Variants in NAA40 observed in about 807,000 individuals in gnomAD.
NAA40 encodes N-alpha-acetyltransferase 40.
Under a neutral mutation model 36.6 loss-of-function variants are expected in NAA40, and 26 were observed. That is an observed-to-expected ratio of 0.71 (90% CI 0.52 to 0.98). The LOEUF (loss-of-function observed/expected upper bound fraction) is 0.98, where lower values mean the gene tolerates loss of function less well. NAA40 is among the 50% of genes least tolerant of loss of function. The pLI is 0.00. For synonymous variants in NAA40, 129 were observed against 108.4 expected (o/e 1.19, Z -1.18); for missense variants, 237 against 306.5 (o/e 0.77, Z 1.69).
chr11:63,939,352 T>G, intron 1 of NAA40: 3 of 1,202,816 alleles, frequency 2.5e-6, no homozygotes, highest in Non-Finnish European at 3.1e-6. Flanking sequence ...CGCCCCTTCC[T>G]GCTTCGCGGA....
At position 63,957,015 on chromosome 11, in the gene NAA40, G is replaced by A. The variant is rs958352915; in HGVS notation, c.*2536G>A. ...AAACATAGCAGGCCTTTTTTACCAG[G>A]CTTTTTGTGTTTTGTTTGTTTGTTT... On this transcript the variant is annotated 3_prime_UTR_variant, in exon 8 of 8. Transcript: ENST00000377793. 6.6e-6 allele frequency: 1 copy of A among 151,344 alleles called. No homozygotes were observed. The highest frequency in any genetic ancestry group is 2.4e-5 in the African/African-American group (1 of 41,208). 9.4% of individuals were successfully genotyped at this position (151,344 alleles called of 1,614,324 possible).
chr11:63,950,201 C>A (rs758665719), intron 3 of NAA40, among the ~76,000 whole-genome samples: 5 of 151,228 alleles, frequency 3.3e-5, no homozygotes, highest in Non-Finnish European at 7.4e-5. Context: ...TCACTGCAGC[C>A]TCTGCCTCCT....
At chr11:63,943,433 A>G (rs1942138156) in intron 1 of NAA40, among the ~76,000 whole-genome samples, 2 of 152,318 alleles carry the variant, frequency 1.3e-5, no homozygotes, top group South Asian at 4.1e-4. Context: ...TTATCGTGGC[A>G]GGGTGCAAGA....
intron 6 of NAA40, among the ~76,000 whole-genome samples, chr11:63,953,194 C>T (rs1201694113): frequency 1.3e-5 from 2 of 151,796 alleles, no homozygotes; most frequent in East Asian, 1.9e-4. Context: ...ATTACAGGCG[C>T]GCACTGCCAT....
chr11:63,939,310 C>T, intron 1 of NAA40: 1 of 1,259,488 alleles, frequency 7.9e-7, no homozygotes, highest in Non-Finnish European at 1.0e-6. Context: ...TGGTCCGGGG[C>T]CCCACCCCCT....
At chr11:63,939,168 T>C in intron 1 of NAA40, 66 bp downstream of exon 1, 2 of 1,484,446 alleles carry the variant, frequency 1.3e-6, no homozygotes, top group Non-Finnish European at 1.8e-6. Context: ...GCCCCCTTTG[T>C]TCTTAAACCC....
At chr11:63,944,640 C>G (rs1450395586) in intron 1 of NAA40, among the ~76,000 whole-genome samples, 2 of 152,132 alleles carry the variant, frequency 1.3e-5, no homozygotes, top group Non-Finnish European at 2.9e-5. Context: ...CAGTGGCTCA[C>G]GCCTGTAATC....
chr11:63,950,760 C>A (rs1399889733), intron 3 of NAA40, among the ~76,000 whole-genome samples: 4 of 152,212 alleles, frequency 2.6e-5, no homozygotes, highest in Non-Finnish European at 1.5e-5. Context: ...CTGTGCCCGG[C>A]CTCATAGTGT....
chr11:63,947,264 T>C (rs565249687), intron 3 of NAA40, among the ~76,000 whole-genome samples: 1 of 152,052 alleles, frequency 6.6e-6, no homozygotes, highest in African/African-American at 2.4e-5. Context: ...AAAAATTAGC[T>C]GGCACGGTGG....
intron 1 of NAA40, among the ~76,000 whole-genome samples, chr11:63,940,547 TG>T (rs145360654): frequency 0.011 from 1,690 of 152,258 alleles, 29 homozygotes; most frequent in African/African-American, 0.039. Context: ...GAAGATTAAG[TG>T]AGATAATGGA....
chr11:63,952,015 C>T (rs1942286890), intron 3 of NAA40: 5 of 519,892 alleles, frequency 9.6e-6, no homozygotes, highest in African/African-American at 1.9e-5. Context: ...AGGAAACGGG[C>T]CTTGTGGTTG....
chr11:63,946,282 T>G (rs1335174132), intron 2 of NAA40: 3 of 270,490 alleles, frequency 1.1e-5, no homozygotes, highest in Non-Finnish European at 2.2e-5. Context: ...CTCGGCTCAC[T>G]TCAACCTTGC....
At chr11:63,952,887 A>C in intron 6 of NAA40, 48 bp downstream of exon 6, 1 of 1,528,732 alleles carries the variant, frequency 6.5e-7, no homozygotes, top group Non-Finnish European at 9.0e-7. Context: ...AGTTGGAAGG[A>C]GCTGTCACTG....
In NAA40 at chr11:63,949,481, T is replaced by C. The variant is rs1298190177; in HGVS notation, c.155+2478T>C. ...TGTTACTATTACTGATCCAGTTAAC[T>C]ATAGGCTCTGGAGTGAAGGCCCCCT... On this transcript the variant is annotated intron_variant, in intron 3 of 7. Coordinates refer to ENST00000377793, the MANE Select transcript of NAA40 (RefSeq NM_024771.4). Among the ~76,000 whole-genome samples, 4 of 152,134 alleles carry C rather than the reference T, an allele frequency of 2.6e-5. No homozygotes were observed. In the East Asian group the frequency reaches 5.8e-4, roughly 22 times the overall value.
rs1236653003 is a variant in NAA40 at position 63,956,837 on chromosome 11, G to A, written c.*2358G>A. ...TAAAAAATACAAAAATCAGCCAGGCGTGGTTGTGGCCTGTAATCCCAGCTA... is the reference window on the plus strand; with the variant it reads ...TAAAAAATACAAAAATCAGCCAGGCATGGTTGTGGCCTGTAATCCCAGCTA... On this transcript the variant is annotated 3_prime_UTR_variant, in exon 8 of 8. Transcript: ENST00000377793. 3.3e-5 allele frequency: 5 copies of A among 152,100 alleles called. No individual in the cohort carries two copies. Among genetic ancestry groups the A allele is most frequent in the African/African-American group, 9.7e-5 (4 of 41,398 alleles). The allele number at this position is 152,100 out of a possible 1,614,324, so 9.4% of individuals were successfully genotyped here. A position where few individuals can be genotyped will look rare whatever the true frequency, so the allele number is the denominator to read the frequency against.
At chr11:63,940,392 T>G (rs1942089725) in intron 1 of NAA40, among the ~76,000 whole-genome samples, 1 of 152,222 alleles carries the variant, frequency 6.6e-6, no homozygotes. Flanking sequence ...AAGGGAACCC[T>G]GACTTTGGAG....
rs1192974258 is a variant in NAA40, at chr11:63,957,119, A to G, written c.*2640A>G. On this transcript the variant is annotated 3_prime_UTR_variant, in exon 8 of 8. Coordinates refer to ENST00000377793, the MANE Select transcript of NAA40 (RefSeq NM_024771.4). ...ATTTCAGGTTATTTTTGTTGGTGTCAAGTATGTATAGGACATGTGAATGGT... is the reference window on the plus strand; with the variant it reads ...ATTTCAGGTTATTTTTGTTGGTGTCGAGTATGTATAGGACATGTGAATGGT... 6.6e-6 allele frequency: 1 copy of G among 151,354 alleles called. No individual in the cohort carries two copies. The highest frequency in any genetic ancestry group is 2.4e-5 in the African/African-American group (1 of 41,252). The allele number at this position is 151,354 out of a possible 1,614,324, so 9.4% of individuals were successfully genotyped here.
In NAA40 at chr11:63,940,232, G is replaced by A. The variant is rs77959541; in HGVS notation, c.6+1130G>A. On this transcript the variant is annotated intron_variant, in intron 1 of 7. Coordinates refer to ENST00000377793, the MANE Select transcript of NAA40 (RefSeq NM_024771.4). The stretch of plus-strand genomic sequence containing the variant: ...TGCCCGGCTCATTTTTGTATTTTTA[G>A]TAGAGACAGGGTTTCACCACGTTGG... Among the ~76,000 whole-genome samples, 290 of 152,070 alleles carry A rather than the reference G, an allele frequency of 1.9e-3. 9 individuals carry two copies. In the East Asian group the frequency reaches 0.044, roughly 23 times the overall value.
At chr11:63,950,470 T>G (rs1448017645) in intron 3 of NAA40, among the ~76,000 whole-genome samples, 3 of 149,854 alleles carry the variant, frequency 2.0e-5, no homozygotes, top group Non-Finnish European at 4.4e-5. Flanking sequence ...TATCTCATAG[T>G]GTTTTCGTTT....
Sources: allele counts gnomAD v4.1 joint callset (sites outside exome capture counted in the v4.1 genomes callset), GRCh38; gene constraint gnomAD v4.1.1; transcripts MANE v1.5; gene names NCBI Gene and HGNC (gene_info 2026-07-23, HGNC 2026-07-21).